The following CD276 variants were observed in gnomAD, a reference collection of about 807,000 sequenced individuals.
CD276 encodes the protein CD276 antigen.
A neutral mutation model predicts 50.0 loss-of-function variants in CD276; 34 were observed. The ratio of observed to expected loss-of-function variants is 0.68; its 90% CI spans 0.52 to 0.91. The LOEUF (loss-of-function observed/expected upper bound fraction) is 0.91, where lower values mean the gene tolerates loss of function less well. CD276 is among the 40% of genes least tolerant of loss of function. The pLI is 0.00. For missense variants in CD276, 634 were observed against 717.5 expected, an observed-to-expected ratio of 0.88 and a Z score of 1.33; for synonymous variants, 275 against 313.0, an observed-to-expected ratio of 0.88 and a Z score of 1.28.
intron 1 of CD276, among the ~76,000 whole-genome samples, chr15:73,693,368 T>C (rs1567014163): frequency 6.6e-6 from 1 of 152,190 alleles, no homozygotes. Flanking sequence ...GCTGCCGACT[T>C]ATACACTTAA....
Position 73,713,313 on chromosome 15 carries a change from C to A in CD276, c.*357C>A. ...AGTGCTGCGTGGACCATCTGGCTGC[C>A]TTTTTTCTCCAAAAGATGCAATATT... On this transcript the variant is annotated 3_prime_UTR_variant, in exon 10 of 10. Transcript: ENST00000318443. 1 of 305,772 alleles carries A rather than the reference C, an allele frequency of 3.3e-6. No individual in the cohort carries two copies. The highest frequency in any genetic ancestry group is 6.0e-6 in the Non-Finnish European group (1 of 165,924). The allele number at this position is 305,772 out of a possible 1,614,324, so 18.9% of individuals were successfully genotyped here.
At chr15:73,702,226 T>C (rs758033144) in intron 2 of CD276, 29 bp from the exon 3 acceptor site, 13 of 1,537,382 alleles carry the variant, frequency 8.5e-6, no homozygotes, top group African/African-American at 2.7e-5. Context: ...CAGTCCCCCT[T>C]ATATGTTCTC....
At chr15:73,702,743 C>G in intron 3 of CD276, 29 bp from the exon 4 acceptor site, 1 of 1,598,504 alleles carries the variant, frequency 6.3e-7, no homozygotes, top group Non-Finnish European at 8.5e-7. Flanking sequence ...ATTGCCCTGC[C>G]CTTGACCCCT....
Position 73,704,320 on chromosome 15 carries a change from G to A in CD276, c.1217G>A (p.Gly406Asp). 1 of 1,613,924 alleles carries A rather than the reference G, an allele frequency of 6.2e-7. No homozygotes were observed. Among genetic ancestry groups the A allele is most frequent in the Non-Finnish European group, 8.5e-7 (1 of 1,180,030 alleles). ...WQDGQGVPLT[G>D]NVTTSQMANE... ...GATGGGCAGGGTGTGCCCCTGACTG[G>A]CAACGTGACCACGTCGCAGATGGCC... Residue 406 changes from glycine (G) to aspartate (D), a missense_variant, in exon 6 of 10, where the codon GGC becomes GAC. Transcript: ENST00000318443. The surrounding 1 kb of genome is among the most constrained non-coding windows in gnomAD (Gnocchi z 4.1).
intron 1 of CD276, among the ~76,000 whole-genome samples, chr15:73,695,279 C>T (rs1900133187): frequency 6.6e-6 from 1 of 152,152 alleles, no homozygotes; most frequent in Admixed American, 6.5e-5. Flanking sequence ...ACACTTTGGG[C>T]TCATTTTCTA....
rs149425126 is a variant in CD276, at chr15:73,686,687, AGAGAGCTGT to A, written c.-55+2231_-55+2239del. ...TTGGAGTCAGAGATGCAGTGTGATA[AGAGAGCTGT>A]GAGTTGGAATTCCACAGCACCTAAA... On this transcript the variant is annotated intron_variant, in intron 1 of 9. Transcript: ENST00000318443. Among the ~76,000 whole-genome samples, 786 of 152,304 alleles carry A rather than the reference AGAGAGCTGT, an allele frequency of 5.2e-3. 4 individuals are homozygous for A. Among genetic ancestry groups the A allele is most frequent in the African/African-American group, 0.018 (755 of 41,552 alleles).
chr15:73,702,408 G>A lies in CD276; in HGVS notation c.233G>A (p.Ser78Asn), dbSNP rs1900433143. Residue 78 changes from serine to asparagine, a missense_variant, in exon 3 of 10, where the codon AGC becomes AAC. Physicochemically the swap from Ser to Asn is conservative, Grantham distance 46 (BLOSUM62 1). Transcript: ENST00000318443. ...QLTDTKQLVHSFAEGQDQGSA... is the reference protein window; with the variant it reads ...QLTDTKQLVHNFAEGQDQGSA... ...ACAGATACCAAACAGCTGGTGCACA[G>A]CTTTGCTGAGGGCCAGGACCAGGGC... The A allele has an allele frequency of 3.6e-5, 58 of 1,613,808 alleles. No individual in the cohort carries two copies. Among genetic ancestry groups the A allele is most frequent in the Non-Finnish European group, 4.7e-5 (55 of 1,180,032 alleles).
chr15:73,689,188 C>G (rs200004603), intron 1 of CD276, among the ~76,000 whole-genome samples: 94 of 142,714 alleles, frequency 6.6e-4, no homozygotes, highest in African/African-American at 2.3e-3. Context: ...TCTGTGCCTC[C>G]TGTGTGTGTG....
intron 1 of CD276, chr15:73,686,275 C>T (rs1899755945): frequency 2.0e-6 from 2 of 984,932 alleles, no homozygotes; most frequent in Admixed American, 6.2e-5. Context: ...CTCTAGACTC[C>T]TGTGCTGTGA....
At chr15:73,711,075 CCCT>C (rs2141586399) in intron 8 of CD276, 57 bp from the exon 9 acceptor site, 1 of 1,588,974 alleles carries the variant, frequency 6.3e-7, no homozygotes, top group African/African-American at 1.3e-5. Context: ...CTGCCTGACT[CCCT>C]ACCCCACCAC....
At chr15:73,701,008 A>G (rs1333612555) in intron 2 of CD276, among the ~76,000 whole-genome samples, 2 of 122,744 alleles carry the variant, frequency 1.6e-5, no homozygotes, top group Admixed American at 8.4e-5. Context: ...GGTTCAAGCA[A>G]TTCTCCTGCC....
Position 73,702,898 on chromosome 15 carries a change from A to C in CD276, c.545A>C (p.Gln182Pro), listed in dbSNP as rs138502254. ...GCTGAGGTGTTCTGGCAGGATGGGC[A>C]GGGTGTGCCCCTGACTGGCAACGTG... ...PEAEVFWQDG[Q>P]GVPLTGNVTT... Residue 182 changes from glutamine to proline, a missense_variant, in exon 4 of 10, where the codon CAG becomes CCG. Transcript: ENST00000318443. The C allele has an allele frequency of 7.7e-5, 125 of 1,614,080 alleles. No homozygotes were observed. In the African/African-American group the frequency reaches 1.5e-3, roughly 19 times the overall value.
At chr15:73,709,145 G>A (rs764012303) in intron 7 of CD276, among the ~76,000 whole-genome samples, 9 of 152,284 alleles carry the variant, frequency 5.9e-5, no homozygotes, top group East Asian at 3.9e-4. Flanking sequence ...GCAGGTAGAC[G>A]GCTGGTTGGT....
chr15:73,704,148 C>G lies in CD276; in HGVS notation c.1073-28C>G, dbSNP rs778781915. 5 of 1,601,504 alleles carry G rather than the reference C, an allele frequency of 3.1e-6. No homozygotes were observed. In the East Asian group the frequency reaches 1.1e-4, roughly 36 times the overall value. ...TTTCCTCCCCTGCCATTGCCCTGCCCTTGACCCCTGCCCTCTGTCACCTCC... is the reference window on the plus strand; with the variant it reads ...TTTCCTCCCCTGCCATTGCCCTGCCGTTGACCCCTGCCCTCTGTCACCTCC... On this transcript the variant is annotated intron_variant, in intron 5 of 9. Transcript: ENST00000318443. The surrounding 1 kb of genome is among the most constrained non-coding windows in gnomAD (Gnocchi z 4.1).
chr15:73,708,545 G>A, intron 7 of CD276, 72 bp downstream of exon 7: 4 of 1,506,230 alleles, frequency 2.7e-6, no homozygotes, highest in Non-Finnish European at 3.6e-6. Context: ...TGTCTTTGAT[G>A]TCAATAGAGT....
At chr15:73,696,757 A>T (rs538099968) in intron 1 of CD276, among the ~76,000 whole-genome samples, 56 of 152,296 alleles carry the variant, frequency 3.7e-4, no homozygotes, top group Middle Eastern at 3.4e-3. Flanking sequence ...AGGCAGAGGA[A>T]TGGGGTCTGA....
At position 73,688,903 on chromosome 15, in the gene CD276, A is replaced by G. The variant is rs1596001682; in HGVS notation, c.-55+4443A>G. On this transcript the variant is annotated intron_variant, in intron 1 of 9. Transcript: ENST00000318443. ...CATTTAGGCAGATCACATCTGGAGA[A>G]AATGCACCCTTCCTTGAGTGCAGTC... is the stretch of plus-strand genomic sequence containing the variant. Among the ~76,000 whole-genome samples the G allele has an allele frequency of 2.6e-5, 4 of 152,332 alleles. No individual in the cohort carries two copies. In the South Asian group the frequency reaches 8.3e-4, roughly 32 times the overall value.
intron 1 of CD276, among the ~76,000 whole-genome samples, chr15:73,692,617 A>T (rs1291312700): frequency 6.6e-6 from 1 of 152,256 alleles, no homozygotes; most frequent in Non-Finnish European, 1.5e-5. Flanking sequence ...AATATATATA[A>T]CATGGGTAAC....
At chr15:73,701,069 A>G (rs1477287287) in intron 2 of CD276, among the ~76,000 whole-genome samples, 3 of 150,026 alleles carry the variant, frequency 2.0e-5, no homozygotes, top group Non-Finnish European at 4.4e-5. Flanking sequence ...ACCCCTGGCT[A>G]TTTTTTAGTA....
Sources: gnomAD v4.1 joint callset for allele counts (sites outside exome capture counted in the v4.1 genomes callset) on GRCh38, gnomAD v4.1.1 for gene constraint, Gnocchi (gnomAD v3.1) non-coding constraint, MANE v1.5 for transcripts, NCBI Gene and HGNC (gene_info 2026-07-23, HGNC 2026-07-21) for gene names.